The following DENND1A variants were observed in gnomAD, a reference collection of about 807,000 sequenced individuals.
The protein encoded by DENND1A is DENN domain containing 1A.
DENND1A carries 51 observed loss-of-function variants against 113.7 expected under a neutral mutation model. The ratio of observed to expected loss-of-function variants is 0.45; its 90% confidence interval spans 0.36 to 0.57. DENND1A has a LOEUF of 0.57. Among genes scored for constraint, DENND1A ranks in the 20% least tolerant of loss-of-function variants. DENND1A has a pLI of 0.00. For synonymous variants in DENND1A, 565 were observed against 570.8 expected, an observed-to-expected ratio of 0.99 and a Z score of 0.14; for missense variants, 1,258 against 1,395.9, an observed-to-expected ratio of 0.90 and a Z score of 1.57.
chr9:123,412,649 A>T (rs1432246834), intron 19 of DENND1A, among the ~76,000 whole-genome samples: 1 of 151,922 alleles, frequency 6.6e-6, no homozygotes, highest in Admixed American at 6.6e-5. Context: ...CTCCCCTCAA[A>T]CCCTTTATCT....
chr9:123,913,322 C>T (rs997849478), intron 1 of DENND1A, among the ~76,000 whole-genome samples: 2 of 151,816 alleles, frequency 1.3e-5, no homozygotes, highest in East Asian at 1.9e-4. Flanking sequence ...TGTACTCCAG[C>T]GAACAAATTA....
chr9:123,532,180 T>C (rs935945815), intron 13 of DENND1A, among the ~76,000 whole-genome samples: 2 of 152,218 alleles, frequency 1.3e-5, no homozygotes, highest in South Asian at 2.1e-4. Flanking sequence ...CATTGGAACA[T>C]TGTGTTGTCA....
chr9:123,381,846 C>T lies in DENND1A; in HGVS notation c.2799G>A (p.Leu933=), dbSNP rs756219752. The T allele has an allele frequency of 1.4e-6, 2 of 1,481,028 alleles. No homozygotes were observed. The highest frequency in any genetic ancestry group is 1.5e-5 in the African/African-American group (1 of 68,878). The allele number at this position is 1,481,028 out of a possible 1,614,324, so 91.7% of individuals were successfully genotyped here. Reference sequence around the variant, plus strand: ...GAGGGGCACAGAAGCCAGCACTGGACAGCAGGAGGCCGGACGCAAAAGCCG... The same window carrying T: ...GAGGGGCACAGAAGCCAGCACTGGATAGCAGGAGGCCGGACGCAAAAGCCG... ...LGPAFASGLL[L]SSAGFCAPHR... The change falls in exon 24 of 24, where the codon CTG becomes CTA. Residue 933 remains leucine, a synonymous_variant. Transcript: ENST00000394215. This position sits in a 1 kb window ranked among gnomAD's most constrained non-coding sequence, Gnocchi z 4.7.
chr9:123,860,824 A>G (rs1181438449), intron 2 of DENND1A, among the ~76,000 whole-genome samples: 1 of 152,238 alleles, frequency 6.6e-6, no homozygotes, highest in African/African-American at 2.4e-5. Context: ...AGAGTTTCTC[A>G]TAATGCACTG....
chr9:123,802,268 C>T (rs1478000244), intron 2 of DENND1A, among the ~76,000 whole-genome samples: 1 of 152,160 alleles, frequency 6.6e-6, no homozygotes, highest in African/African-American at 2.4e-5. Flanking sequence ...GCCCACTGGC[C>T]TGGAGGTGGG....
intron 7 of DENND1A, among the ~76,000 whole-genome samples, chr9:123,669,433 A>T (rs189972099): frequency 1.3e-5 from 2 of 152,336 alleles, no homozygotes; most frequent in Admixed American, 1.3e-4. Flanking sequence ...TGCCCATGAA[A>T]TGCTGGGGAC....
At chr9:123,723,572 T>C (rs1281842797) in intron 5 of DENND1A, among the ~76,000 whole-genome samples, 1 of 152,138 alleles carries the variant, frequency 6.6e-6, no homozygotes, top group Non-Finnish European at 1.5e-5. Flanking sequence ...GGGGTGGTCT[T>C]TCCCATGCTG....
chr9:123,731,182 C>A (rs928332654), intron 5 of DENND1A, among the ~76,000 whole-genome samples: 2 of 152,034 alleles, frequency 1.3e-5, no homozygotes, highest in South Asian at 2.1e-4. Context: ...GTGCAGCAAA[C>A]CACCATGGCA....
At chr9:123,749,621 C>T (rs976971884) in intron 5 of DENND1A, among the ~76,000 whole-genome samples, 3 of 152,170 alleles carry the variant, frequency 2.0e-5, no homozygotes, top group Non-Finnish European at 4.4e-5. Flanking sequence ...AATGTTAATT[C>T]CTGCCTTCCA....
At chr9:123,889,912 G>A (rs543930683) in intron 1 of DENND1A, among the ~76,000 whole-genome samples, 8 of 152,060 alleles carry the variant, frequency 5.3e-5, no homozygotes, top group Admixed American at 1.3e-4. Context: ...GGCAGAGGCT[G>A]CAGTCAGCCA....
intron 18 of DENND1A, among the ~76,000 whole-genome samples, chr9:123,443,562 C>G (rs868548790): frequency 2.6e-5 from 4 of 152,328 alleles, no homozygotes; most frequent in Non-Finnish European, 4.4e-5. Context: ...TGCAGGCCAC[C>G]AATTTATTAG....
chr9:123,797,418 A>G (rs961070915), intron 2 of DENND1A, among the ~76,000 whole-genome samples: 3 of 152,210 alleles, frequency 2.0e-5, no homozygotes, highest in African/African-American at 7.2e-5. Flanking sequence ...AAAATAGTCT[A>G]AGAAGTTGTA....
At chr9:123,784,019 A>T (rs184202467) in intron 3 of DENND1A, among the ~76,000 whole-genome samples, 7 of 152,334 alleles carry the variant, frequency 4.6e-5, no homozygotes, top group Admixed American at 1.3e-4. Context: ...ACAGAAGTAT[A>T]CTGAGGTAGG....
At chr9:123,565,894 A>G (rs949338256) in intron 12 of DENND1A, among the ~76,000 whole-genome samples, 1 of 152,254 alleles carries the variant, frequency 6.6e-6, no homozygotes, top group African/African-American at 2.4e-5. Flanking sequence ...CAAGAAATTT[A>G]TCAGGAGAAA....
At chr9:123,417,014 G>A (rs2044784029) in intron 19 of DENND1A, among the ~76,000 whole-genome samples, 2 of 152,258 alleles carry the variant, frequency 1.3e-5, no homozygotes, top group Non-Finnish European at 1.5e-5. Context: ...ATGGGTTCAC[G>A]AGTTGGTTCT....
chr9:123,398,074 C>T (rs2043226167), intron 21 of DENND1A, among the ~76,000 whole-genome samples: 2 of 152,230 alleles, frequency 1.3e-5, no homozygotes, highest in Admixed American at 6.5e-5. Context: ...CTGCAAGCCC[C>T]TTAACCCTTA....
At position 123,533,574 on chromosome 9, in the gene DENND1A, T is replaced by C. The variant is rs191565024; in HGVS notation, c.993+23996A>G. ...TTTGGAGGTTGGTGTCTGGTGTCTG[T>C]GTACTTGTACAATGTCTCAAGCACT... is the stretch of plus-strand genomic sequence containing the variant. On this transcript the variant is annotated intron_variant, in intron 13 of 23. Coordinates refer to ENST00000394215, the MANE Select transcript of DENND1A (RefSeq NM_001352964.2). Among the ~76,000 whole-genome samples, 15 of 152,332 alleles carry C rather than the reference T, an allele frequency of 9.8e-5. No homozygotes were observed. In the East Asian group the frequency reaches 2.7e-3, roughly 27 times the overall value.
rs140631431 is a variant in DENND1A, at chr9:123,501,198, T to C, written c.994-43301A>G. Reference sequence around the variant, plus strand: ...TACAAGTAGAATCATATACTATTCGTTCTTCTGTGACTGGCTAAATGTATG... The same window carrying C: ...TACAAGTAGAATCATATACTATTCGCTCTTCTGTGACTGGCTAAATGTATG... On this transcript the variant is annotated intron_variant, in intron 13 of 23. Transcript: ENST00000394215. Among the ~76,000 whole-genome samples, 686 of 152,348 alleles carry C rather than the reference T, an allele frequency of 4.5e-3. 5 individuals carry two copies. Among genetic ancestry groups the C allele is most frequent in the African/African-American group, 0.016 (648 of 41,570 alleles).
At chr9:123,531,552 TCTACACACACACAC>T (rs1337443018) in intron 13 of DENND1A, among the ~76,000 whole-genome samples, 5,355 of 133,852 alleles carry the variant, frequency 0.04, 166 homozygotes, top group South Asian at 0.07. Flanking sequence ...CCCCTCTCTC[TCTACACACACACAC>T]ACACACACAC....
Sources: gnomAD v4.1 joint callset for allele counts (sites outside exome capture counted in the v4.1 genomes callset) on GRCh38, gnomAD v4.1.1 for gene constraint, Gnocchi (gnomAD v3.1) non-coding constraint, MANE v1.5 for transcripts, NCBI Gene and HGNC (gene_info 2026-07-23, HGNC 2026-07-21) for gene names.